The following NLGN4X variants were observed in gnomAD, a reference collection of about 807,000 sequenced individuals.
The protein encoded by NLGN4X is neuroligin-4, X-linked.
In NLGN4X, 3 loss-of-function variants were observed where a neutral mutation model predicts 40.3. The observed-to-expected ratio is 0.07, with a 90% CI of 0.03 to 0.19. NLGN4X has a LOEUF of 0.19. Ranked by LOEUF, NLGN4X falls within the 10% of genes least tolerant of loss-of-function variation. The pLI is 1.00. For synonymous variants in NLGN4X, 270 were observed against 306.8 expected (o/e 0.88, Z 1.25); for missense variants, 382 against 708.3 (o/e 0.54, Z 5.23).
intron 2 of NLGN4X, among the ~76,000 whole-genome samples, chrX:6,080,494 C>T (rs2038320858): frequency 8.9e-6 from 1 of 112,019 alleles, no homozygotes; most frequent in African/African-American, 3.3e-5. Flanking sequence ...TGAATGACAT[C>T]TAGTGCCAAA....
intron 1 of NLGN4X, among the ~76,000 whole-genome samples, chrX:6,219,490 C>T (rs1389237451): frequency 1.9e-5 from 2 of 103,219 alleles, no homozygotes; most frequent in East Asian, 3.1e-4. Context: ...TCCTTCCCTT[C>T]GATCTATCAT....
chrX:6,175,671 A>AAAAAAAAAAAAAT, intron 1 of NLGN4X, among the ~76,000 whole-genome samples: 1 of 107,989 alleles, frequency 9.3e-6, no homozygotes, highest in Non-Finnish European at 1.9e-5. Context: ...AAAAAAAAAA[A>AAAAAAAAAAAAAT]AACAAGATAA....
At chrX:6,000,637 T>G (rs778071076) in intron 3 of NLGN4X, among the ~76,000 whole-genome samples, 2 of 110,573 alleles carry the variant, frequency 1.8e-5, no homozygotes, top group Non-Finnish European at 3.8e-5. Context: ...ATAGCAAGAG[T>G]CACCTTTATT....
intron 2 of NLGN4X, among the ~76,000 whole-genome samples, chrX:6,117,625 A>G (rs1378434283): frequency 1.8e-5 from 2 of 111,652 alleles, no homozygotes; most frequent in East Asian, 5.6e-4. Context: ...CCTCTCTACA[A>G]GCTACTCAAG....
intron 2 of NLGN4X, among the ~76,000 whole-genome samples, chrX:6,044,106 A>AAATAAATAAATAAATAAAT: frequency 1.0e-5 from 1 of 96,435 alleles, no homozygotes; most frequent in East Asian, 3.4e-4. Context: ...GTTTCTATTA[A>AAATAAATAAATAAATAAAT]AAATAAATAA....
intron 1 of NLGN4X, among the ~76,000 whole-genome samples, chrX:6,212,961 T>G (rs1016204514): frequency 1.1e-4 from 12 of 112,025 alleles, no homozygotes; most frequent in African/African-American, 3.9e-4. Context: ...CCATCTTTCT[T>G]AGAGAAGAAT....
intron 1 of NLGN4X, among the ~76,000 whole-genome samples, chrX:6,193,234 C>A (rs1426482083): frequency 2.7e-5 from 3 of 110,061 alleles, no homozygotes; most frequent in African/African-American, 1.0e-4. Flanking sequence ...ACGGTGAAAC[C>A]CCGTCTCTAC....
chrX:6,095,773 A>C (rs1257195840), intron 2 of NLGN4X, among the ~76,000 whole-genome samples: 3 of 111,818 alleles, frequency 2.7e-5, no homozygotes, highest in Non-Finnish European at 5.6e-5. Flanking sequence ...GAGTGGGTAG[A>C]CGCCAGGAGT....
At chrX:6,023,999 C>A (rs72609505) in intron 3 of NLGN4X, among the ~76,000 whole-genome samples, 3,135 of 105,463 alleles carry the variant, frequency 0.03, 111 homozygotes, top group East Asian at 0.16. Flanking sequence ...ACAACAACAA[C>A]AAAAAAAAAA....
At chrX:6,164,146 T>C (rs1170504550) in intron 1 of NLGN4X, among the ~76,000 whole-genome samples, 1 of 112,999 alleles carries the variant, frequency 8.8e-6, no homozygotes, top group Admixed American at 9.3e-5. Flanking sequence ...GACACAGCAG[T>C]AAAGTGTTAG....
intron 2 of NLGN4X, among the ~76,000 whole-genome samples, chrX:6,099,854 G>A (rs2038866136): frequency 9.0e-6 from 1 of 111,512 alleles, no homozygotes; most frequent in Non-Finnish European, 1.9e-5. Context: ...AGTAGAAAAT[G>A]TCTTTATAGC....
At chrX:5,948,464 C>A (rs776108505) in intron 3 of NLGN4X, among the ~76,000 whole-genome samples, 1 of 112,172 alleles carries the variant, frequency 8.9e-6, no homozygotes, top group East Asian at 2.8e-4. Context: ...CAAATGTGTT[C>A]TTTGAGATGC....
At chrX:6,120,547 G>A (rs1021110560) in intron 2 of NLGN4X, among the ~76,000 whole-genome samples, 1 of 111,711 alleles carries the variant, frequency 9.0e-6, no homozygotes, top group Non-Finnish European at 1.9e-5. Flanking sequence ...GCCCCGTTGA[G>A]GTAGGTGTTA....
chrX:6,202,929 C>T lies in NLGN4X; in HGVS notation c.-306+25612G>A, dbSNP rs1923754923. Among the ~76,000 whole-genome samples the T allele has an allele frequency of 2.7e-5, 3 of 111,982 alleles. No individual in the cohort carries two copies. The South Asian group carries it at 1.1e-3, about 42-fold the overall frequency. ...GTCTTGGCCTCTATCCAATAGTTTG[C>T]AAGATTCTATCAGTATCATCCTTCC... On this transcript the variant is annotated intron_variant, in intron 1 of 5. Transcript: ENST00000381095.
intron 2 of NLGN4X, among the ~76,000 whole-genome samples, chrX:6,065,261 T>G (rs1456953502): frequency 9.2e-6 from 1 of 108,597 alleles, no homozygotes; most frequent in Non-Finnish European, 1.9e-5. Context: ...CCTCTGAACC[T>G]AAAATAAAAA....
intron 2 of NLGN4X, among the ~76,000 whole-genome samples, chrX:6,141,275 G>A (rs926221828): frequency 2.7e-5 from 3 of 111,270 alleles, no homozygotes; most frequent in South Asian, 3.8e-4. Context: ...TAGTAAGATC[G>A]GATCTACTCT....
chrX:6,028,366 G>A (rs1249634235), intron 3 of NLGN4X, among the ~76,000 whole-genome samples: 1 of 111,353 alleles, frequency 9.0e-6, no homozygotes, highest in Non-Finnish European at 1.9e-5. Context: ...ACAATTAGAA[G>A]AAGATGAATG....
chrX:6,190,217 T>A (rs1428959055), intron 1 of NLGN4X, among the ~76,000 whole-genome samples: 2 of 111,534 alleles, frequency 1.8e-5, no homozygotes, highest in Non-Finnish European at 3.8e-5. Flanking sequence ...AAATCAACTT[T>A]GTTGGAAACA....
chrX:5,996,655 G>A (rs1176486530), intron 3 of NLGN4X, among the ~76,000 whole-genome samples: 1 of 105,147 alleles, frequency 9.5e-6, no homozygotes, highest in Non-Finnish European at 1.9e-5. Context: ...CTGGAGTACA[G>A]TGGCGTGATC....
Sources: allele counts gnomAD v4.1 joint callset (sites outside exome capture counted in the v4.1 genomes callset), GRCh38; gene constraint gnomAD v4.1.1; transcripts MANE v1.5; gene names NCBI Gene and HGNC (gene_info 2026-07-23, HGNC 2026-07-21).